The following ATXN10 variants were observed in gnomAD, a reference collection of about 807,000 sequenced individuals.
ATXN10 encodes ataxin 10, also known as ataxin-10.
In ATXN10, 28 loss-of-function variants were observed where a neutral mutation model predicts 52.9. The observed-to-expected ratio is 0.53, with a 90% CI of 0.39 to 0.73. ATXN10 has a LOEUF of 0.73. ATXN10 is among the 30% of genes least tolerant of loss of function. ATXN10 has a pLI of 0.00. For synonymous variants in ATXN10, 226 were observed against 221.5 expected, an observed-to-expected ratio of 1.02 and a Z score of -0.18; for missense variants, 565 against 577.0, an observed-to-expected ratio of 0.98 and a Z score of 0.21.
Position 45,701,106 on chromosome 22 carries a change from G to C in ATXN10, c.488+728G>C, listed in dbSNP as rs529816648. On this transcript the variant is annotated intron_variant, in intron 4 of 11. Transcript: ENST00000252934. The surrounding 1 kb of genome is among the most constrained non-coding windows in gnomAD (Gnocchi z 4.2). ...AGACCTGGCTTTGAATCTAGGCTTT[G>C]GTGCCAATGAATGGGGTGACTTTGA... Among the ~76,000 whole-genome samples, 1 of 152,312 alleles carries C rather than the reference G, an allele frequency of 6.6e-6. No individual in the cohort carries two copies. Among genetic ancestry groups the C allele is most frequent in the South Asian group, 2.1e-4 (1 of 4,828 alleles).
chr22:45,750,405 G>A lies in ATXN10; in HGVS notation c.1173+9867G>A, dbSNP rs1925904146. Among the ~76,000 whole-genome samples the A allele has an allele frequency of 6.6e-6, 1 of 152,078 alleles. No individual in the cohort carries two copies. The highest frequency in any genetic ancestry group is 2.4e-5 in the African/African-American group (1 of 41,432). ...GTCACCACGCCCGGCCGACAACAGT[G>A]ATTTTAAATGGATTTGTGTTTAACA... On this transcript the variant is annotated intron_variant, in intron 9 of 11. Coordinates refer to ENST00000252934, the MANE Select transcript of ATXN10 (RefSeq NM_013236.4). The surrounding 1 kb of genome is among the most constrained non-coding windows in gnomAD (Gnocchi z 4.2).
Position 45,688,157 on chromosome 22 carries a change from A to G in ATXN10, c.117-1555A>G, listed in dbSNP as rs1426442420. Among the ~76,000 whole-genome samples, 1 of 152,200 alleles carries G rather than the reference A, an allele frequency of 6.6e-6. No individual in the cohort carries two copies. Among genetic ancestry groups the G allele is most frequent in the African/African-American group, 2.4e-5 (1 of 41,448 alleles). ...TTGTTTCATACAGTTTATTGAGGCA[A>G]GATTAGTGCTGTACCCTTGAATTTT... On this transcript the variant is annotated intron_variant, in intron 1 of 11. Transcript: ENST00000252934. This position sits in a 1 kb window ranked among gnomAD's most constrained non-coding sequence, Gnocchi z 4.0.
Position 45,701,949 on chromosome 22 carries a change from C to A in ATXN10, c.489-740C>A, listed in dbSNP as rs1923857525. Among the ~76,000 whole-genome samples the A allele has an allele frequency of 6.6e-6, 1 of 151,942 alleles. No individual in the cohort carries two copies. The highest frequency in any genetic ancestry group is 1.5e-5 in the Non-Finnish European group (1 of 68,004). ...TGTTATTGTATTTTATTTTTTATAC[C>A]AGAAAACATATTAAGAGAGGTTCTT... On this transcript the variant is annotated intron_variant, in intron 4 of 11. Coordinates refer to ENST00000252934, the MANE Select transcript of ATXN10 (RefSeq NM_013236.4). This position sits in a 1 kb window ranked among gnomAD's most constrained non-coding sequence, Gnocchi z 4.2.
At chr22:45,753,376 G>GGTTTTTT (rs1601625157) in intron 9 of ATXN10, among the ~76,000 whole-genome samples, 2 of 121,170 alleles carry the variant, frequency 1.7e-5, no homozygotes, top group South Asian at 5.6e-4. Flanking sequence ...CCTCTTACCA[G>GGTTTTTT]CTTTTTTTTT....
intron 10 of ATXN10, among the ~76,000 whole-genome samples, chr22:45,830,694 G>GA (rs571033027): frequency 4.1e-3 from 471 of 115,454 alleles, no homozygotes; most frequent in Admixed American, 6.2e-3. Context: ...TACAAAACAA[G>GA]AAAAAAAAAA....
At chr22:45,834,288 C>T (rs576049799) in intron 10 of ATXN10, among the ~76,000 whole-genome samples, 3 of 152,232 alleles carry the variant, frequency 2.0e-5, no homozygotes, top group Non-Finnish European at 2.9e-5. Flanking sequence ...CCAAAGATCA[C>T]CAGGTACTTG....
chr22:45,741,533 C>T (rs1312065566), intron 9 of ATXN10, among the ~76,000 whole-genome samples: 1 of 152,112 alleles, frequency 6.6e-6, no homozygotes, highest in Non-Finnish European at 1.5e-5. Flanking sequence ...GAAGGAACAT[C>T]AAGGCATGAG....
At chr22:45,834,658 A>T (rs556350982) in intron 10 of ATXN10, among the ~76,000 whole-genome samples, 3 of 152,218 alleles carry the variant, frequency 2.0e-5, no homozygotes, top group Non-Finnish European at 4.4e-5. Context: ...AAGTAGATCA[A>T]ATCCAGGCAC....
chr22:45,843,598 C>A lies in ATXN10; in HGVS notation c.1426-71C>A. On this transcript the variant is annotated intron_variant, in intron 11 of 11. Transcript: ENST00000252934. This position sits in a 1 kb window ranked among gnomAD's most constrained non-coding sequence, Gnocchi z 4.5. ...CACTGACCAAAGTTCTGGGTTTTTT[C>A]CCCTTTTGTCTGATGAATCTTGTGA... 5 of 1,505,726 alleles carry A rather than the reference C, an allele frequency of 3.3e-6. No homozygotes were observed. Among genetic ancestry groups the A allele is most frequent in the Non-Finnish European group, 3.7e-6 (4 of 1,086,350 alleles). 93.3% of individuals were successfully genotyped at this position (1,505,726 alleles called of 1,614,324 possible).
chr22:45,786,867 A>G lies in ATXN10; in HGVS notation c.1174-20092A>G, dbSNP rs1430552759. Among the ~76,000 whole-genome samples the G allele has an allele frequency of 6.6e-6, 1 of 152,308 alleles. No individual in the cohort carries two copies. Among genetic ancestry groups the G allele is most frequent in the East Asian group, 1.9e-4 (1 of 5,184 alleles). On this transcript the variant is annotated intron_variant, in intron 9 of 11. Transcript: ENST00000252934. The surrounding 1 kb of genome is among the most constrained non-coding windows in gnomAD (Gnocchi z 4.1). ...GGCATTTTAACAGTATGTCTCAAAGACACTCAAAGATGGTTTTGTTTTGTT... is the reference window on the plus strand; with the variant it reads ...GGCATTTTAACAGTATGTCTCAAAGGCACTCAAAGATGGTTTTGTTTTGTT...
At chr22:45,694,940 C>CAAA (rs748780048) in intron 3 of ATXN10, among the ~76,000 whole-genome samples, 367 of 21,862 alleles carry the variant, frequency 0.017, 19 homozygotes, top group African/African-American at 0.048. Context: ...GACTCTGTCT[C>CAAA]AAAAAAAAAA....
intron 5 of ATXN10, among the ~76,000 whole-genome samples, chr22:45,711,122 A>G (rs1924230221): frequency 6.6e-6 from 1 of 152,224 alleles, no homozygotes; most frequent in African/African-American, 2.4e-5. Flanking sequence ...AAAATGTTAC[A>G]TGTCTACCCA....
intron 3 of ATXN10, among the ~76,000 whole-genome samples, chr22:45,693,569 C>T (rs1016356800): frequency 6.6e-6 from 1 of 152,186 alleles, no homozygotes; most frequent in Non-Finnish European, 1.5e-5. Flanking sequence ...GACCTAGTCA[C>T]TTCCCAAAGG....
At position 45,724,986 on chromosome 22, in the gene ATXN10, G is replaced by A. The variant is rs543008999; in HGVS notation, c.729-4439G>A. Among the ~76,000 whole-genome samples the A allele has an allele frequency of 1.6e-4, 24 of 152,124 alleles. No homozygotes were observed. The South Asian group carries it at 4.6e-3, about 29-fold the overall frequency. ...TTGTAAGTATTTGGCCTTATTTCTG[G>A]TGTTTTTATTCTGTTGTATTGGTCT... On this transcript the variant is annotated intron_variant, in intron 6 of 11. Coordinates refer to ENST00000252934, the MANE Select transcript of ATXN10 (RefSeq NM_013236.4).
rs1272455594 is a variant in ATXN10 at position 45,718,416 on chromosome 22, C to T, written c.651C>T (p.Phe217=). The T allele has an allele frequency of 6.2e-7, 1 of 1,612,742 alleles. No homozygotes were observed. The highest frequency in any genetic ancestry group is 1.1e-5 in the South Asian group (1 of 91,052). ...TTTCCTCCTCTTTTTTCCCTAGGTT[C>T]TTGATTATTACAGACCTCTTTCTGA... ...YQKHPESEWP[F]LIITDLFLKS... Residue 217 remains phenylalanine, a synonymous_variant, in exon 6 of 12, where the codon TTC becomes TTT. Coordinates refer to ENST00000252934, the MANE Select transcript of ATXN10 (RefSeq NM_013236.4). The surrounding 1 kb of genome is among the most constrained non-coding windows in gnomAD (Gnocchi z 4.4).
At position 45,838,902 on chromosome 22, in the gene ATXN10, C is replaced by A. The variant is rs373953685; in HGVS notation, c.1238-4089C>A. Among the ~76,000 whole-genome samples the A allele has an allele frequency of 2.6e-5, 4 of 152,296 alleles. No individual in the cohort carries two copies. In the South Asian group the frequency reaches 8.3e-4, roughly 32 times the overall value. ...AAAATGTTCTCACTGGAAATAGGAA[C>A]AGATTAGAGGAGGTTTGTGTAGTAT... On this transcript the variant is annotated intron_variant, in intron 10 of 11. Transcript: ENST00000252934.
Position 45,763,886 on chromosome 22 carries a change from G to A in ATXN10, c.1173+23348G>A, listed in dbSNP as rs1926486812. 6.6e-6 allele frequency among the ~76,000 whole-genome samples: 1 copy of A among 152,152 alleles called. No homozygotes were observed. The highest frequency in any genetic ancestry group is 1.5e-5 in the Non-Finnish European group (1 of 68,030). ...TGGGCTGTCTTGAGGTGCCGGCTGT[G>A]TTAGGCTCTTACCCCCACCTCCCCC... On this transcript the variant is annotated intron_variant, in intron 9 of 11. Transcript: ENST00000252934. The surrounding 1 kb of genome is among the most constrained non-coding windows in gnomAD (Gnocchi z 6.9).
At position 45,718,242 on chromosome 22, in the gene ATXN10, G is replaced by A. The variant is rs1277901351; in HGVS notation, c.648-171G>A. Among the ~76,000 whole-genome samples the A allele has an allele frequency of 6.6e-6, 1 of 152,080 alleles. No individual in the cohort carries two copies. The highest frequency in any genetic ancestry group is 2.4e-5 in the African/African-American group (1 of 41,402). ...TTTAGGATTTTTTTTCCTTTTAGCT[G>A]CTGATAGATTAATAGTATGTGAACC... On this transcript the variant is annotated intron_variant, in intron 5 of 11. Coordinates refer to ENST00000252934, the MANE Select transcript of ATXN10 (RefSeq NM_013236.4). This position sits in a 1 kb window ranked among gnomAD's most constrained non-coding sequence, Gnocchi z 4.4.
rs976732385 is a variant in ATXN10 at position 45,837,298 on chromosome 22, C to T, written c.1238-5693C>T. Among the ~76,000 whole-genome samples, 3 of 152,136 alleles carry T rather than the reference C, an allele frequency of 2.0e-5. No homozygotes were observed. Among genetic ancestry groups the T allele is most frequent in the Non-Finnish European group, 4.4e-5 (3 of 68,036 alleles). ...TTTTTGAGACAGAGTCTTGCTCTGT[C>T]GCCCAGGCTGCAGTGCAGTGGCGCA... On this transcript the variant is annotated intron_variant, in intron 10 of 11. Transcript: ENST00000252934. This position sits in a 1 kb window ranked among gnomAD's most constrained non-coding sequence, Gnocchi z 5.8.
Sources: allele counts gnomAD v4.1 joint callset (sites outside exome capture counted in the v4.1 genomes callset), GRCh38; gene constraint gnomAD v4.1.1; non-coding constraint Gnocchi (gnomAD v3.1); transcripts MANE v1.5; gene names NCBI Gene and HGNC (gene_info 2026-07-23, HGNC 2026-07-21).